PRKCB: variants seen among roughly 807,000 people sequenced by gnomAD.
PRKCB encodes the protein protein kinase C beta type.
A neutral mutation model predicts 81.5 loss-of-function variants in PRKCB; 13 were observed. The observed-to-expected ratio is 0.16, with a 90% confidence interval of 0.10 to 0.25. The LOEUF (loss-of-function observed/expected upper bound fraction) is 0.25, where lower values mean the gene tolerates loss of function less well. PRKCB is among the 10% of genes least tolerant of loss of function. PRKCB has a pLI of 1.00. For synonymous variants in PRKCB, 335 were observed against 321.4 expected (o/e 1.04, Z -0.45); for missense variants, 509 against 875.7 (o/e 0.58, Z 5.29).
intron 5 of PRKCB, among the ~76,000 whole-genome samples, chr16:24,039,509 C>T (rs532356507): frequency 4.6e-5 from 7 of 152,302 alleles, no homozygotes; most frequent in African/African-American, 1.4e-4. Context: ...GGATTACAGG[C>T]GTGAGCCACT....
intron 10 of PRKCB, among the ~76,000 whole-genome samples, chr16:24,164,145 A>G (rs1967306329): frequency 6.6e-6 from 1 of 152,142 alleles, no homozygotes; most frequent in Non-Finnish European, 1.5e-5. Context: ...AAAAGTGGCA[A>G]GTGTCCCCCT....
At chr16:24,165,883 CTTTTTTTTTT>C (rs71154285) in intron 10 of PRKCB, among the ~76,000 whole-genome samples, 4,271 of 94,084 alleles carry the variant, frequency 0.045, 243 homozygotes, top group African/African-American at 0.15. Flanking sequence ...TTCTTTCTTT[CTTTTTTTTTT>C]TTTTTTTTTT....
chr16:24,057,546 A>T (rs1048155933), intron 5 of PRKCB, among the ~76,000 whole-genome samples: 6 of 152,206 alleles, frequency 3.9e-5, no homozygotes, highest in African/African-American at 1.4e-4. Context: ...AATGAATATG[A>T]TTCTTTACAC....
intron 5 of PRKCB, among the ~76,000 whole-genome samples, chr16:24,052,708 G>A (rs1417136245): frequency 6.6e-6 from 1 of 152,174 alleles, no homozygotes; most frequent in Admixed American, 6.5e-5. Flanking sequence ...TACAATTACT[G>A]TATAATGAGC....
chr16:23,968,979 G>T (rs909311623), intron 2 of PRKCB, among the ~76,000 whole-genome samples: 2 of 152,122 alleles, frequency 1.3e-5, no homozygotes, highest in Non-Finnish European at 2.9e-5. Flanking sequence ...AGACCAGCCT[G>T]CCCATCATGG....
intron 7 of PRKCB, among the ~76,000 whole-genome samples, chr16:24,104,401 G>C (rs1018228563): frequency 8.5e-5 from 13 of 152,174 alleles, no homozygotes; most frequent in African/African-American, 3.1e-4. Flanking sequence ...GTGCTGAAGA[G>C]ACACTAATGA....
intron 2 of PRKCB, among the ~76,000 whole-genome samples, chr16:23,950,984 G>T (rs1284486588): frequency 6.6e-6 from 1 of 152,108 alleles, no homozygotes; most frequent in Non-Finnish European, 1.5e-5. Flanking sequence ...CTTGTCCCTG[G>T]CTCCCACACC....
Position 23,899,808 on chromosome 16 carries a change from AATTTATTTATTTATTTATTTATTTATTT to A in PRKCB, c.205+62434_205+62461del, listed in dbSNP as rs200198656. 5.2e-4 allele frequency among the ~76,000 whole-genome samples: 20 copies of A among 38,344 alleles called. 6 individuals carry two copies. Among genetic ancestry groups the A allele is most frequent in the South Asian group, 1.9e-3 (3 of 1,554 alleles). The allele number at this position is 38,344 out of a possible 152,430, so 25.2% of individuals were successfully genotyped here. Reference sequence around the variant, plus strand: ...ACGTGCCACCAGGCCCAGCAAATAAAATTTATTTATTTATTTATTTATTTATTTATTTATTTATTTATTTATTTATTTA... The same window carrying A: ...ACGTGCCACCAGGCCCAGCAAATAAAATTTATTTATTTATTTATTTATTTA... On this transcript the variant is annotated intron_variant, in intron 2 of 16. Coordinates refer to ENST00000643927, the MANE Select transcript of PRKCB (RefSeq NM_002738.7).
At chr16:23,949,537 T>C (rs1351370795) in intron 2 of PRKCB, among the ~76,000 whole-genome samples, 2 of 152,214 alleles carry the variant, frequency 1.3e-5, no homozygotes, top group Non-Finnish European at 2.9e-5. Flanking sequence ...CCTTCTATCG[T>C]TTTATTCTTT....
At chr16:24,036,643 C>A (rs62026392) in intron 5 of PRKCB, among the ~76,000 whole-genome samples, 26,470 of 152,094 alleles carry the variant, frequency 0.17, 2,536 homozygotes, top group Middle Eastern at 0.25. Context: ...CAATATAATT[C>A]TTTTAAACTT....
intron 5 of PRKCB, among the ~76,000 whole-genome samples, chr16:24,037,506 C>G (rs1279269012): frequency 6.6e-6 from 1 of 152,184 alleles, no homozygotes. Flanking sequence ...TCAGAAAACA[C>G]ATTTCCTCAC....
intron 2 of PRKCB, among the ~76,000 whole-genome samples, chr16:23,958,602 C>T (rs1472664927): frequency 6.6e-6 from 1 of 152,138 alleles, no homozygotes; most frequent in African/African-American, 2.4e-5. Flanking sequence ...TGCGCCCAGC[C>T]TCTTTTTATT....
At chr16:23,842,719 T>G (rs1962288156) in intron 2 of PRKCB, among the ~76,000 whole-genome samples, 1 of 152,204 alleles carries the variant, frequency 6.6e-6, no homozygotes, top group African/African-American at 2.4e-5. Context: ...TGTTTTTAAA[T>G]CTTCTAATTG....
intron 2 of PRKCB, among the ~76,000 whole-genome samples, chr16:23,927,221 G>T (rs1387521332): frequency 1.3e-5 from 2 of 152,034 alleles, no homozygotes; most frequent in African/African-American, 4.8e-5. Flanking sequence ...AGGATGACAG[G>T]TTTAACTAAG....
intron 2 of PRKCB, among the ~76,000 whole-genome samples, chr16:23,953,730 A>G (rs1391372887): frequency 1.3e-5 from 2 of 152,122 alleles, no homozygotes; most frequent in African/African-American, 4.8e-5. Context: ...TTGTTTATTC[A>G]TTTGTTCAAC....
chr16:24,158,172 G>A (rs1967192036), intron 10 of PRKCB, among the ~76,000 whole-genome samples: 1 of 152,226 alleles, frequency 6.6e-6, no homozygotes, highest in African/African-American at 2.4e-5. Flanking sequence ...GCTGAAGGAA[G>A]AGCAGATCCC....
chr16:24,162,161 A>T (rs1331576273), intron 10 of PRKCB, among the ~76,000 whole-genome samples: 1 of 152,162 alleles, frequency 6.6e-6, no homozygotes, highest in East Asian at 1.9e-4. Flanking sequence ...TCAATTCAGA[A>T]TGCAAGAGAG....
intron 5 of PRKCB, among the ~76,000 whole-genome samples, chr16:24,085,512 A>G (rs1253669811): frequency 1.3e-5 from 2 of 152,192 alleles, no homozygotes; most frequent in Non-Finnish European, 2.9e-5. Context: ...TCATTAGGGT[A>G]GTCATATAAT....
intron 5 of PRKCB, among the ~76,000 whole-genome samples, chr16:24,060,611 C>T (rs760920234): frequency 1.3e-4 from 20 of 152,320 alleles, no homozygotes; most frequent in Non-Finnish European, 2.5e-4. Context: ...TCAGTATTTC[C>T]GTAGGATTTG....
Sources: gnomAD v4.1 joint callset for allele counts (sites outside exome capture counted in the v4.1 genomes callset) on GRCh38, gnomAD v4.1.1 for gene constraint, MANE v1.5 for transcripts, NCBI Gene and HGNC (gene_info 2026-07-23, HGNC 2026-07-21) for gene names.